Variants in WDPCP observed in about 807,000 individuals in gnomAD.
The protein encoded by WDPCP is WD repeat-containing and planar cell polarity effector protein fritz homolog.
WDPCP carries 71 observed loss-of-function variants against 93.1 expected under a neutral mutation model. The ratio of observed to expected loss-of-function variants is 0.76; its 90% CI spans 0.63 to 0.93. The LOEUF (loss-of-function observed/expected upper bound fraction) is 0.93. Among genes scored for constraint, WDPCP ranks in the 40% least tolerant of loss-of-function variants. The pLI is 0.00. For missense variants in WDPCP, 844 were observed against 887.4 expected, an observed-to-expected ratio of 0.95 and a Z score of 0.62; for synonymous variants, 315 against 315.0, an observed-to-expected ratio of 1.00 and a Z score of 0.00.
chr2:63,314,423 G>C (rs1204069474), intron 12 of WDPCP, among the ~76,000 whole-genome samples: 1 of 152,100 alleles, frequency 6.6e-6, no homozygotes, highest in Non-Finnish European at 1.5e-5. Flanking sequence ...ACCCACTTCA[G>C]CGTCCCAAAA....
intron 2 of WDPCP, among the ~76,000 whole-genome samples, chr2:63,663,497 G>C (rs568069646): frequency 2.0e-5 from 3 of 152,214 alleles, no homozygotes; most frequent in African/African-American, 7.2e-5. Flanking sequence ...AGTCTGAGTA[G>C]AGAGAGAGGA....
Position 63,313,554 on chromosome 2 carries a change from A to G in WDPCP, c.1749-243T>C, listed in dbSNP as rs556995083. ...AACTTTCAAGAATAAACATAACCCC[A>G]AGTAGACACTGCTGACTATGATAGC... On this transcript the variant is annotated intron_variant, in intron 12 of 17. Transcript: ENST00000272321. Among the ~76,000 whole-genome samples, 5 of 152,188 alleles carry G rather than the reference A, an allele frequency of 3.3e-5. No homozygotes were observed. The East Asian group carries it at 5.8e-4, about 18-fold the overall frequency.
intron 14 of WDPCP, among the ~76,000 whole-genome samples, chr2:63,209,134 A>C (rs1676562733): frequency 1.3e-5 from 2 of 152,258 alleles, no homozygotes; most frequent in Admixed American, 1.3e-4. Context: ...AGGCAGCCCA[A>C]AAGGCTGCCT....
At chr2:63,531,377 C>G (rs1316635965) in intron 1 of WDPCP, among the ~76,000 whole-genome samples, 1 of 152,194 alleles carries the variant, frequency 6.6e-6, no homozygotes, top group Non-Finnish European at 1.5e-5. Flanking sequence ...TGAGAATGGA[C>G]AGACTGCATC....
intron 1 of WDPCP, among the ~76,000 whole-genome samples, chr2:63,536,906 C>T (rs568093411): frequency 6.6e-6 from 1 of 151,074 alleles, no homozygotes; most frequent in Non-Finnish European, 1.5e-5. Flanking sequence ...GCTGGGATTA[C>T]AGGCATGCAC....
intron 2 of WDPCP, among the ~76,000 whole-genome samples, chr2:63,678,365 T>A (rs553906029): frequency 6.6e-6 from 1 of 152,340 alleles, no homozygotes; most frequent in South Asian, 2.1e-4. Flanking sequence ...ACTCACATCC[T>A]CTTGGTCAGA....
At chr2:63,317,277 G>T (rs1256911157) in intron 12 of WDPCP, among the ~76,000 whole-genome samples, 3 of 151,686 alleles carry the variant, frequency 2.0e-5, no homozygotes, top group African/African-American at 7.3e-5. Context: ...GCGTGGTGGC[G>T]GGCACCTGTA....
intron 2 of WDPCP, among the ~76,000 whole-genome samples, chr2:63,771,694 C>G (rs1322747355): frequency 6.6e-6 from 1 of 151,936 alleles, no homozygotes. Context: ...TCCTTGCCCC[C>G]TCACTCTCCC....
At chr2:63,826,048 A>G (rs573319489) in intron 1 of WDPCP, among the ~76,000 whole-genome samples, 37 of 152,308 alleles carry the variant, frequency 2.4e-4, no homozygotes, top group Non-Finnish European at 3.8e-4. Flanking sequence ...AATTATAAAA[A>G]TGAGCAAAAA....
chr2:63,553,843 A>G (rs1401299463), intron 1 of WDPCP, among the ~76,000 whole-genome samples: 1 of 152,190 alleles, frequency 6.6e-6, no homozygotes, highest in Non-Finnish European at 1.5e-5. Context: ...ACCTCATTCA[A>G]TTTAACATTC....
At chr2:63,374,267 G>A (rs1691656845) in intron 12 of WDPCP, among the ~76,000 whole-genome samples, 1 of 152,110 alleles carries the variant, frequency 6.6e-6, no homozygotes, top group Admixed American at 6.6e-5. Flanking sequence ...GTGAGCCAGA[G>A]GATGCCCTCC....
chr2:63,715,633 C>T (rs1669326345), intron 2 of WDPCP, among the ~76,000 whole-genome samples: 2 of 152,170 alleles, frequency 1.3e-5, no homozygotes, highest in South Asian at 4.1e-4. Flanking sequence ...AAAAAATGTA[C>T]TTTCAATAGA....
intron 6 of WDPCP, among the ~76,000 whole-genome samples, chr2:63,454,881 G>T (rs1328541716): frequency 6.6e-6 from 1 of 152,006 alleles, no homozygotes. Context: ...AAACCTTATG[G>T]GCCAGGAGAG....
At chr2:63,374,928 C>T (rs994812935) in intron 12 of WDPCP, among the ~76,000 whole-genome samples, 1 of 151,792 alleles carries the variant, frequency 6.6e-6, no homozygotes, top group African/African-American at 2.4e-5. Context: ...ATTTCATAAC[C>T]AAAAAATTTT....
chr2:63,229,154 G>C (rs909104369), intron 14 of WDPCP: 4 of 152,092 alleles, frequency 2.6e-5, no homozygotes, highest in African/African-American at 9.7e-5. Flanking sequence ...ATCTCATTGT[G>C]GTTTTGATTT....
chr2:63,221,511 G>A (rs902243309), intron 14 of WDPCP, among the ~76,000 whole-genome samples: 42 of 152,196 alleles, frequency 2.8e-4, no homozygotes, highest in Non-Finnish European at 5.9e-5. Flanking sequence ...GAGAGGACAT[G>A]TTTGTTATAA....
intron 1 of WDPCP, among the ~76,000 whole-genome samples, chr2:63,580,297 T>C (rs1032296857): frequency 6.6e-6 from 1 of 152,248 alleles, no homozygotes; most frequent in Non-Finnish European, 1.5e-5. Context: ...AATCAATAAG[T>C]GCTAAAACTA....
chr2:63,570,674 C>T (rs1707421658), intron 1 of WDPCP, among the ~76,000 whole-genome samples: 1 of 152,126 alleles, frequency 6.6e-6, no homozygotes, highest in Non-Finnish European at 1.5e-5. Context: ...GCCAAGTACA[C>T]TAGAGATGGG....
At chr2:63,651,757 T>C (rs535943769) in intron 2 of WDPCP, among the ~76,000 whole-genome samples, 42 of 152,284 alleles carry the variant, frequency 2.8e-4, no homozygotes, top group African/African-American at 7.9e-4. Flanking sequence ...CACAGCAACA[T>C]CTACATTAAT....
Sources: gnomAD v4.1 joint callset for allele counts (sites outside exome capture counted in the v4.1 genomes callset) on GRCh38, gnomAD v4.1.1 for gene constraint, MANE v1.5 for transcripts, NCBI Gene and HGNC (gene_info 2026-07-23, HGNC 2026-07-21) for gene names.